MLIP: variants seen among roughly 807,000 people sequenced by gnomAD.
The protein encoded by MLIP is muscular LMNA-interacting protein.
In MLIP, 79 loss-of-function variants were observed where a neutral mutation model predicts 84.8. That is an observed-to-expected ratio of 0.93 (90% CI 0.78 to 1.12). The LOEUF is 1.12. Ranked by LOEUF, MLIP falls within the 50% of genes most tolerant of loss-of-function variation. MLIP has a pLI of 0.00. For synonymous variants in MLIP, 504 were observed against 463.0 expected (o/e 1.09, Z -1.14); for missense variants, 1,257 against 1,160.6 (o/e 1.08, Z -1.21).
intron 10 of MLIP, among the ~76,000 whole-genome samples, chr6:54,197,638 A>G (rs377092986): frequency 2.6e-5 from 4 of 152,106 alleles, no homozygotes; most frequent in African/African-American, 9.6e-5. Context: ...TTTTCCACAT[A>G]GGCTGGAAAG....
intron 1 of MLIP, among the ~76,000 whole-genome samples, chr6:54,120,480 C>A (rs1442172461): frequency 1.3e-5 from 2 of 152,176 alleles, no homozygotes; most frequent in African/African-American, 4.8e-5. Flanking sequence ...CTCAGGTGAT[C>A]CGCCCGCCTT....
chr6:54,212,663 A>T (rs1359850156), intron 11 of MLIP, among the ~76,000 whole-genome samples: 1 of 151,864 alleles, frequency 6.6e-6, no homozygotes, highest in African/African-American at 2.4e-5. Flanking sequence ...GTTTCTATTC[A>T]CTTCCTGTTT....
Position 54,251,441 on chromosome 6 carries a change from C to CATATATATAT in MLIP, c.2923-5850_2923-5841dup, listed in dbSNP as rs148476876. Among the ~76,000 whole-genome samples, 160 of 88,936 alleles carry CATATATATAT rather than the reference C, an allele frequency of 1.8e-3. 13 individuals are homozygous for CATATATATAT. The highest frequency in any genetic ancestry group is 0.01 in the African/African-American group (142 of 14,178). 58.3% of individuals were successfully genotyped at this position (88,936 alleles called of 152,430 possible). ...TATCTCCAAAGTGAATGAAACAAGCCATATATATATATATATATATATATA... is the reference window on the plus strand; with the variant it reads ...TATCTCCAAAGTGAATGAAACAAGCCATATATATATATATATATATATATATATATATATA... On this transcript the variant is annotated intron_variant, in intron 12 of 13. Transcript: ENST00000502396.
intron 1 of MLIP, among the ~76,000 whole-genome samples, chr6:54,098,782 C>T (rs1768415342): frequency 6.6e-6 from 1 of 152,078 alleles, no homozygotes. Context: ...TATTCTGTGC[C>T]TACTATGTGC....
intron 9 of MLIP, among the ~76,000 whole-genome samples, chr6:54,180,548 T>G (rs1935839): frequency 0.85 from 129,252 of 152,128 alleles, 55,965 homozygotes; most frequent in Non-Finnish European, 0.94. Flanking sequence ...TCCTCTGACT[T>G]TGCACATTTT....
intron 8 of MLIP, among the ~76,000 whole-genome samples, chr6:54,165,627 T>A (rs1458026125): frequency 6.6e-6 from 1 of 151,846 alleles, no homozygotes; most frequent in Non-Finnish European, 1.5e-5. Flanking sequence ...AAAAGGAAAT[T>A]AGGTTGGTAG....
intron 4 of MLIP, among the ~76,000 whole-genome samples, chr6:54,138,592 C>A (rs962819278): frequency 1.3e-5 from 2 of 152,084 alleles, no homozygotes; most frequent in East Asian, 3.9e-4. Flanking sequence ...ATCATTGGCC[C>A]TAATGACAGA....
chr6:54,162,988 G>A (rs144236443), intron 8 of MLIP, among the ~76,000 whole-genome samples: 3 of 152,038 alleles, frequency 2.0e-5, no homozygotes, highest in East Asian at 1.9e-4. Context: ...GAGTGTTTGC[G>A]AATATAATTG....
chr6:54,150,295 C>T (rs1773309023), intron 5 of MLIP, among the ~76,000 whole-genome samples: 1 of 152,122 alleles, frequency 6.6e-6, no homozygotes. Context: ...CAGCTTTTTC[C>T]CTAGCATCTC....
intron 1 of MLIP, among the ~76,000 whole-genome samples, chr6:54,089,622 G>T (rs553907686): frequency 1.3e-5 from 2 of 152,190 alleles, no homozygotes; most frequent in South Asian, 2.1e-4. Flanking sequence ...TCAGCGACAA[G>T]AATCAGAATC....
intron 2 of MLIP, among the ~76,000 whole-genome samples, chr6:54,124,199 A>C (rs1770707861): frequency 6.6e-6 from 1 of 152,132 alleles, no homozygotes. Flanking sequence ...TCTCTCTTTA[A>C]AATGTCGTAT....
At chr6:54,259,329 C>T (rs1783230649) in intron 13 of MLIP, among the ~76,000 whole-genome samples, 1 of 151,804 alleles carries the variant, frequency 6.6e-6, no homozygotes, top group African/African-American at 2.4e-5. Context: ...AGATTTTGCC[C>T]ATTTCAGATG....
At chr6:54,213,732 A>C (rs1039540246) in intron 11 of MLIP, among the ~76,000 whole-genome samples, 53 of 125,460 alleles carry the variant, frequency 4.2e-4, no homozygotes, top group Non-Finnish European at 8.2e-4. Flanking sequence ...AAAAAAAAAA[A>C]AAAACAACAA....
At chr6:54,103,269 TATGTC>T (rs2150392811) in intron 1 of MLIP, among the ~76,000 whole-genome samples, 1 of 152,274 alleles carries the variant, frequency 6.6e-6, no homozygotes, top group African/African-American at 2.4e-5. Flanking sequence ...TAAAATAACA[TATGTC>T]ATGCCATTTT....
At chr6:54,121,384 G>A (rs1337909531) in intron 1 of MLIP, 63 bp from the exon 2 acceptor site, 6 of 1,515,324 alleles carry the variant, frequency 4.0e-6, no homozygotes, top group Non-Finnish European at 5.5e-6. Flanking sequence ...ATGTCATATG[G>A]AGAATAAAGG....
chr6:54,188,615 G>A (rs139883306), intron 9 of MLIP, among the ~76,000 whole-genome samples: 75 of 152,222 alleles, frequency 4.9e-4, no homozygotes, highest in African/African-American at 1.7e-3. Flanking sequence ...TGTCATACAT[G>A]AGGTCCATCA....
At chr6:54,247,649 G>A (rs1650615595) in intron 12 of MLIP, among the ~76,000 whole-genome samples, 1 of 152,156 alleles carries the variant, frequency 6.6e-6, no homozygotes, top group Non-Finnish European at 1.5e-5. Context: ...TGTGGGAATG[G>A]AGGAATGTGG....
intron 1 of MLIP, 65 bp from the exon 2 acceptor site, chr6:54,121,382 T>G: frequency 2.7e-6 from 4 of 1,504,660 alleles, no homozygotes; most frequent in African/African-American, 1.4e-5. Flanking sequence ...TCATGTCATA[T>G]GGAGAATAAA....
chr6:54,137,652 C>T lies in MLIP; in HGVS notation c.1583C>T (p.Ser528Leu), dbSNP rs555288693. ...LASMNVERTP[S>L]PTLKSNTMLS... ...TCCATGAATGTAGAGAGAACACCATCACCTACTTTGAAGAGCAATACCATG... is the reference window on the plus strand; with the variant it reads ...TCCATGAATGTAGAGAGAACACCATTACCTACTTTGAAGAGCAATACCATG... The change falls in exon 4 of 14, where the codon TCA (serine) becomes TTA (leucine). Residue 528 changes from serine to leucine, a missense_variant. Physicochemically the swap from Ser to Leu is moderately radical, Grantham distance 145. Transcript: ENST00000502396. 4.9e-5 allele frequency: 75 copies of T among 1,536,098 alleles called. No individual in the cohort carries two copies. The African/African-American group carries it at 8.5e-4, about 17-fold the overall frequency.
Sources: gnomAD v4.1 joint callset for allele counts (sites outside exome capture counted in the v4.1 genomes callset) on GRCh38, gnomAD v4.1.1 for gene constraint, MANE v1.5 for transcripts, NCBI Gene and HGNC (gene_info 2026-07-23, HGNC 2026-07-21) for gene names.